Variants in CELF4 observed in about 807,000 individuals in gnomAD.
CELF4 encodes CUGBP Elav-like family member 4, also known as CUG-BP- and ETR-3-like factor 4.
In CELF4, 18 loss-of-function variants were observed where a neutral mutation model predicts 59.9. The observed-to-expected ratio is 0.30, with a 90% CI of 0.21 to 0.45. The LOEUF is 0.45. Ranked by LOEUF, CELF4 falls within the 20% of genes least tolerant of loss-of-function variation. The probability of loss-of-function intolerance (pLI) is 1.00; values close to 1 mark genes in which losing one functional copy is unlikely to be tolerated. For missense variants in CELF4, 456 were observed against 689.0 expected (o/e 0.66, Z 3.79); for synonymous variants, 261 against 267.1 (o/e 0.98, Z 0.22).
chr18:37,263,735 T>G (rs1300449167), intron 10 of CELF4, among the ~76,000 whole-genome samples: 1 of 151,990 alleles, frequency 6.6e-6, no homozygotes, highest in Non-Finnish European at 1.5e-5. Context: ...ACCAGGGCCT[T>G]GGGACACAGC....
chr18:37,431,606 T>C (rs1266168486), intron 2 of CELF4, among the ~76,000 whole-genome samples: 1 of 152,178 alleles, frequency 6.6e-6, no homozygotes, highest in Non-Finnish European at 1.5e-5. Flanking sequence ...CCTGACCTCG[T>C]GATCTGCCCG....
intron 3 of CELF4, among the ~76,000 whole-genome samples, chr18:37,316,264 C>T (rs2096866903): frequency 6.6e-6 from 1 of 152,156 alleles, no homozygotes; most frequent in South Asian, 2.1e-4. Context: ...TGCTCTCCAC[C>T]TGGCTCTGTC....
At chr18:37,520,341 A>T (rs2099955898) in intron 1 of CELF4, among the ~76,000 whole-genome samples, 1 of 152,180 alleles carries the variant, frequency 6.6e-6, no homozygotes, top group Non-Finnish European at 1.5e-5. Context: ...GAGCGGTCCC[A>T]GGAAGGCGTG....
intron 2 of CELF4, among the ~76,000 whole-genome samples, chr18:37,453,258 T>C (rs2099769142): frequency 6.6e-6 from 1 of 152,244 alleles, no homozygotes; most frequent in Non-Finnish European, 1.5e-5. Context: ...ATTATGTGTG[T>C]GTTCTTGCCA....
chr18:37,402,234 G>A (rs1027831601), intron 2 of CELF4, among the ~76,000 whole-genome samples: 2 of 152,192 alleles, frequency 1.3e-5, no homozygotes, highest in Admixed American at 1.3e-4. Context: ...ATCCATAAGT[G>A]TTTGGTCTGA....
intron 1 of CELF4, chr18:37,485,816 A>C (rs550581331): frequency 9.0e-5 from 33 of 366,828 alleles, no homozygotes; most frequent in African/African-American, 6.8e-4. Flanking sequence ...TTGCTTTTCT[A>C]TTTTGCTCCC....
intron 2 of CELF4, among the ~76,000 whole-genome samples, chr18:37,335,080 G>A (rs1204281256): frequency 7.3e-6 from 1 of 136,880 alleles, no homozygotes; most frequent in East Asian, 2.6e-4. Flanking sequence ...TGCACCGCCA[G>A]CTCGTCCAAG....
chr18:37,515,165 G>GCTGTTC (rs1030808784), intron 1 of CELF4, among the ~76,000 whole-genome samples: 13 of 152,218 alleles, frequency 8.5e-5, no homozygotes, highest in Admixed American at 7.9e-4. Flanking sequence ...AAGCAGGCTT[G>GCTGTTC]CTGTTCGGCA....
At chr18:37,493,084 G>A (rs2099911671) in intron 1 of CELF4, among the ~76,000 whole-genome samples, 1 of 152,074 alleles carries the variant, frequency 6.6e-6, no homozygotes, top group African/African-American at 2.4e-5. Context: ...AACAATTCCT[G>A]CAGTTGTCTT....
At chr18:37,313,849 C>T (rs746061994) in intron 3 of CELF4, among the ~76,000 whole-genome samples, 1 of 152,200 alleles carries the variant, frequency 6.6e-6, no homozygotes, top group Non-Finnish European at 1.5e-5. Flanking sequence ...TCAGGGAGGG[C>T]CTGGGAGCCC....
intron 1 of CELF4, among the ~76,000 whole-genome samples, chr18:37,497,199 A>G (rs2099926158): frequency 6.6e-6 from 1 of 152,194 alleles, no homozygotes; most frequent in Non-Finnish European, 1.5e-5. Flanking sequence ...AAGCCAACTT[A>G]TCAGCTGACT....
rs1316139215 is a variant in CELF4, at chr18:37,426,082, C to T, written c.369+59443G>A. ...TGCCCTGGAATCAATGTAGTCCCAA[C>T]TCTGGCTATGGGCCTTTCCCCCCAG... is the stretch of plus-strand genomic sequence containing the variant. On this transcript the variant is annotated intron_variant, in intron 2 of 12. Coordinates refer to ENST00000420428, the MANE Select transcript of CELF4 (RefSeq NM_020180.4). Among the ~76,000 whole-genome samples, 4 of 152,334 alleles carry T rather than the reference C, an allele frequency of 2.6e-5. No homozygotes were observed. In the East Asian group the frequency reaches 7.7e-4, roughly 29 times the overall value.
intron 3 of CELF4, among the ~76,000 whole-genome samples, chr18:37,286,856 A>G (rs1410270645): frequency 6.6e-6 from 1 of 152,064 alleles, no homozygotes; most frequent in African/African-American, 2.4e-5. Flanking sequence ...CTCCATTACC[A>G]CCCAGTTGCA....
Position 37,274,789 on chromosome 18 carries a change from A to G in CELF4, c.657+16T>C, listed in dbSNP as rs760050764. 1 of 1,573,536 alleles carries G rather than the reference A, an allele frequency of 6.4e-7. No individual in the cohort carries two copies. Among genetic ancestry groups the G allele is most frequent in the South Asian group, 1.2e-5 (1 of 86,564 alleles). On this transcript the variant is annotated intron_variant, in intron 5 of 12. Coordinates refer to ENST00000420428, the MANE Select transcript of CELF4 (RefSeq NM_020180.4). ...CGCCGCTGCCCTCGCCCCCGCCCCA[A>G]GGGGCCAGCACTCACCGGCATGGTC...
chr18:37,415,187 G>A (rs2099517454), intron 2 of CELF4, among the ~76,000 whole-genome samples: 3 of 152,208 alleles, frequency 2.0e-5, no homozygotes, highest in Admixed American at 1.3e-4. Context: ...TGGGTCAGAT[G>A]GAGAAGGGAA....
At chr18:37,275,304 A>G in intron 3 of CELF4, 61 bp from the exon 4 acceptor site, 1 of 1,527,498 alleles carries the variant, frequency 6.5e-7, no homozygotes, top group South Asian at 1.1e-5. Flanking sequence ...GGAGCAGGGC[A>G]AGGCCGGAGG....
chr18:37,373,843 G>A (rs2098933334), intron 2 of CELF4, among the ~76,000 whole-genome samples: 1 of 152,166 alleles, frequency 6.6e-6, no homozygotes, highest in African/African-American at 2.4e-5. Context: ...GGCCCAGGTG[G>A]GCAGGTACAG....
intron 2 of CELF4, among the ~76,000 whole-genome samples, chr18:37,356,077 G>A (rs2098558200): frequency 1.3e-5 from 2 of 152,278 alleles, no homozygotes; most frequent in South Asian, 2.1e-4. Flanking sequence ...TGGGTGCACT[G>A]AGGCCGTTTA....
At chr18:37,310,845 T>C (rs1217882401) in intron 3 of CELF4, among the ~76,000 whole-genome samples, 2 of 152,122 alleles carry the variant, frequency 1.3e-5, no homozygotes, top group Non-Finnish European at 2.9e-5. Flanking sequence ...CTGGGAACTT[T>C]CTCTCCTCTC....
Sources: allele counts gnomAD v4.1 joint callset (sites outside exome capture counted in the v4.1 genomes callset), GRCh38; gene constraint gnomAD v4.1.1; transcripts MANE v1.5; gene names NCBI Gene and HGNC (gene_info 2026-07-23, HGNC 2026-07-21).